The following ATP1B3 variants were observed in gnomAD, a reference collection of about 807,000 sequenced individuals.
ATP1B3 encodes sodium/potassium-transporting ATPase subunit beta-3.
Under a neutral mutation model 30.2 loss-of-function variants are expected in ATP1B3, and 10 were observed. That is an observed-to-expected ratio of 0.33 (90% CI 0.20 to 0.56). The LOEUF (loss-of-function observed/expected upper bound fraction) is 0.56. Ranked by LOEUF, ATP1B3 falls within the 20% of genes least tolerant of loss-of-function variation. ATP1B3 has a pLI of 0.90. For missense variants in ATP1B3, 238 were observed against 336.7 expected, an observed-to-expected ratio of 0.71 and a Z score of 2.29; for synonymous variants, 113 against 117.0, an observed-to-expected ratio of 0.97 and a Z score of 0.22.
At chr3:141,889,754 T>TAC (rs1341803770) in intron 1 of ATP1B3, among the ~76,000 whole-genome samples, 33 of 75,020 alleles carry the variant, frequency 4.4e-4, no homozygotes, top group East Asian at 6.3e-4. Context: ...AAAAAAAATA[T>TAC]ATACACACAC....
At position 141,909,871 on chromosome 3, in the gene ATP1B3, A is replaced by C. The variant is rs1269701893; in HGVS notation, c.346+2597A>C. 3.3e-5 allele frequency among the ~76,000 whole-genome samples: 5 copies of C among 152,254 alleles called. No homozygotes were observed. The East Asian group carries it at 7.7e-4, about 23-fold the overall frequency. On this transcript the variant is annotated intron_variant, in intron 3 of 6. Coordinates refer to ENST00000286371, the MANE Select transcript of ATP1B3 (RefSeq NM_001679.4). ...CTAGAAGGGGGGAATTGGGGAAGCCAGTTAGGCTATTACAATAATCTAGGT... is the reference window on the plus strand; with the variant it reads ...CTAGAAGGGGGGAATTGGGGAAGCCCGTTAGGCTATTACAATAATCTAGGT...
At chr3:141,899,964 G>A (rs1365832739) in intron 1 of ATP1B3, among the ~76,000 whole-genome samples, 2 of 152,146 alleles carry the variant, frequency 1.3e-5, no homozygotes, top group Non-Finnish European at 2.9e-5. Context: ...CGAGGATTTT[G>A]AGGATGCAGT....
chr3:141,910,418 T>A (rs1309242275), intron 3 of ATP1B3, among the ~76,000 whole-genome samples: 4 of 152,154 alleles, frequency 2.6e-5, no homozygotes, highest in African/African-American at 9.7e-5. Context: ...TCTTTATTAA[T>A]TATTATTTAT....
rs34670135 is a variant in ATP1B3 at position 141,889,756 on chromosome 3, T to TACACACAC, written c.109+12879_109+12886dup. Among the ~76,000 whole-genome samples the TACACACAC allele has an allele frequency of 4.8e-4, 40 of 84,024 alleles. 3 individuals are homozygous for TACACACAC. The East Asian group carries it at 6.7e-3, about 14-fold the overall frequency. 55.1% of individuals were successfully genotyped at this position (84,024 alleles called of 152,430 possible). A position where few individuals can be genotyped will look rare whatever the true frequency, so the allele number is the denominator to read the frequency against. On this transcript the variant is annotated intron_variant, in intron 1 of 6. Coordinates refer to ENST00000286371, the MANE Select transcript of ATP1B3 (RefSeq NM_001679.4). ...AAAAAAAAAAAAAAAAAAAAATATA[T>TACACACAC]ACACACACACACACACACACACACA...
At chr3:141,924,307 G>T (rs1934615646) in intron 6 of ATP1B3, among the ~76,000 whole-genome samples, 1 of 138,796 alleles carries the variant, frequency 7.2e-6, no homozygotes, top group Admixed American at 7.9e-5. Context: ...TTGCACCATT[G>T]CACTCCAGCC....
At chr3:141,917,190 C>G (rs1231233642) in intron 5 of ATP1B3, among the ~76,000 whole-genome samples, 1 of 152,062 alleles carries the variant, frequency 6.6e-6, no homozygotes, top group Non-Finnish European at 1.5e-5. Context: ...CCAGGTGATG[C>G]TGATGCTGCT....
intron 3 of ATP1B3, among the ~76,000 whole-genome samples, chr3:141,907,797 C>CTT (rs1281631531): frequency 6.6e-6 from 1 of 152,132 alleles, no homozygotes; most frequent in Non-Finnish European, 1.5e-5. Context: ...GACACAGGGG[C>CTT]TTACTCATGG....
At chr3:141,925,414 A>T in intron 6 of ATP1B3, 117 bp from the exon 7 acceptor site, 2 of 1,073,508 alleles carry the variant, frequency 1.9e-6, no homozygotes, top group Non-Finnish European at 2.7e-6. Flanking sequence ...GCACCACTGC[A>T]CTGCAGCCTG....
intron 1 of ATP1B3, among the ~76,000 whole-genome samples, chr3:141,899,218 A>G (rs1934119052): frequency 6.6e-6 from 1 of 152,236 alleles, no homozygotes; most frequent in South Asian, 2.1e-4. Context: ...GTATGCGAAT[A>G]ATATTGTTAA....
At chr3:141,884,122 A>G (rs1034928416) in intron 1 of ATP1B3, among the ~76,000 whole-genome samples, 5 of 151,988 alleles carry the variant, frequency 3.3e-5, no homozygotes, top group Non-Finnish European at 5.9e-5. Context: ...TTCTTCCCTT[A>G]TGGGGTGCTA....
chr3:141,915,593 G>A (rs1934447120), intron 4 of ATP1B3, among the ~76,000 whole-genome samples: 1 of 152,144 alleles, frequency 6.6e-6, no homozygotes, highest in South Asian at 2.1e-4. Flanking sequence ...GTGAAGAACA[G>A]TTAATTATTA....
At chr3:141,892,215 T>C (rs748960168) in intron 1 of ATP1B3, among the ~76,000 whole-genome samples, 26 of 152,210 alleles carry the variant, frequency 1.7e-4, no homozygotes, top group Non-Finnish European at 3.4e-4. Context: ...GTATCTTCTT[T>C]ATGTGTTTTT....
chr3:141,901,486 T>C (rs1934162779), intron 1 of ATP1B3, among the ~76,000 whole-genome samples: 1 of 152,218 alleles, frequency 6.6e-6, no homozygotes, highest in South Asian at 2.1e-4. Flanking sequence ...AGAAGGATCT[T>C]GTTCAAGTAA....
chr3:141,890,089 T>TTC (rs1368660578), intron 1 of ATP1B3, among the ~76,000 whole-genome samples: 61 of 86,678 alleles, frequency 7.0e-4, no homozygotes, highest in Middle Eastern at 4.8e-3. Flanking sequence ...TTTTTTTCTT[T>TTC]TTTTTTTTTT....
At chr3:141,916,170 T>G in intron 5 of ATP1B3, 150 bp downstream of exon 5, 1 of 647,054 alleles carries the variant, frequency 1.5e-6, no homozygotes, top group Non-Finnish European at 2.6e-6. Context: ...AACCGTAGTC[T>G]TTCTCTTCCT....
At chr3:141,889,756 TACACAC>T (rs34670135) in intron 1 of ATP1B3, among the ~76,000 whole-genome samples, 2,057 of 84,010 alleles carry the variant, frequency 0.024, 125 homozygotes, top group South Asian at 0.038. Context: ...AAAAAATATA[TACACAC>T]ACACACACAC....
chr3:141,924,174 T>C (rs936347692), intron 6 of ATP1B3, among the ~76,000 whole-genome samples: 1 of 150,042 alleles, frequency 6.7e-6, no homozygotes, highest in African/African-American at 2.5e-5. Context: ...TGAAACGCTG[T>C]CTCTACTAAA....
chr3:141,894,236 C>T (rs1167388631), intron 1 of ATP1B3, among the ~76,000 whole-genome samples: 1 of 152,140 alleles, frequency 6.6e-6, no homozygotes, highest in African/African-American at 2.4e-5. Flanking sequence ...CTACTGTAGA[C>T]TTTATAAACA....
chr3:141,878,308 GTTTTC>G (rs778234056), intron 1 of ATP1B3, among the ~76,000 whole-genome samples: 2 of 152,130 alleles, frequency 1.3e-5, no homozygotes, highest in Non-Finnish European at 2.9e-5. Flanking sequence ...TTAAATTGCT[GTTTTC>G]TTTTGGGAAC....
Sources: gnomAD v4.1 joint callset for allele counts (sites outside exome capture counted in the v4.1 genomes callset) on GRCh38, gnomAD v4.1.1 for gene constraint, MANE v1.5 for transcripts, NCBI Gene and HGNC (gene_info 2026-07-23, HGNC 2026-07-21) for gene names.